The following TANC1 variants were observed in gnomAD, a reference collection of about 807,000 sequenced individuals.
TANC1 encodes tetratricopeptide repeat, ankyrin repeat and coiled-coil containing 1, also known as protein TANC1.
Under a neutral mutation model 149.7 loss-of-function variants are expected in TANC1, and 77 were observed. The observed-to-expected ratio is 0.51, with a 90% CI of 0.43 to 0.62. The LOEUF (loss-of-function observed/expected upper bound fraction) is 0.62. Among genes scored for constraint, TANC1 ranks in the 20% least tolerant of loss-of-function variants. The pLI is 0.00. For synonymous variants in TANC1, 854 were observed against 925.0 expected (o/e 0.92, Z 1.39); for missense variants, 1,985 against 2,321.8 (o/e 0.85, Z 2.98).
intron 2 of TANC1, among the ~76,000 whole-genome samples, chr2:159,037,687 G>A (rs1345627799): frequency 6.6e-6 from 1 of 152,162 alleles, no homozygotes; most frequent in African/African-American, 2.4e-5. Flanking sequence ...TCATTTCTGA[G>A]GCCTCTGTTC....
intron 7 of TANC1, among the ~76,000 whole-genome samples, chr2:159,159,587 TTTATG>T (rs1342643300): frequency 6.6e-6 from 1 of 152,100 alleles, no homozygotes; most frequent in Non-Finnish European, 1.5e-5. Flanking sequence ...ATTAACTCCT[TTTATG>T]TAATGAGCAC....
chr2:159,204,936 G>A (rs1186206996), intron 19 of TANC1, among the ~76,000 whole-genome samples: 1 of 152,160 alleles, frequency 6.6e-6, no homozygotes, highest in Non-Finnish European at 1.5e-5. Flanking sequence ...AATTCCACTT[G>A]GCATGTGTGC....
intron 19 of TANC1, among the ~76,000 whole-genome samples, chr2:159,203,659 C>T (rs1247965350): frequency 6.6e-6 from 1 of 152,286 alleles, no homozygotes; most frequent in South Asian, 2.1e-4. Context: ...TCTGCCTCCC[C>T]ACACTCAGGT....
At chr2:158,986,589 C>A (rs2035026380) in intron 1 of TANC1, among the ~76,000 whole-genome samples, 1 of 152,140 alleles carries the variant, frequency 6.6e-6, no homozygotes, top group South Asian at 2.1e-4. Context: ...TTTTGGGGAT[C>A]TGCACTCATG....
chr2:159,093,708 T>C (rs955687999), intron 3 of TANC1, among the ~76,000 whole-genome samples: 1 of 152,140 alleles, frequency 6.6e-6, no homozygotes, highest in Non-Finnish European at 1.5e-5. Context: ...TATAGTGAGA[T>C]GGTAAAGTAA....
intron 22 of TANC1, among the ~76,000 whole-genome samples, chr2:159,223,811 TTG>T (rs1386822467): frequency 6.6e-5 from 10 of 152,182 alleles, no homozygotes. Context: ...CGTGCACAGG[TTG>T]TGTGGGTCTG....
At chr2:159,160,640 C>T (rs1017397444) in intron 7 of TANC1, among the ~76,000 whole-genome samples, 1 of 152,128 alleles carries the variant, frequency 6.6e-6, no homozygotes, top group African/African-American at 2.4e-5. Context: ...AGTGTCTGGG[C>T]TTCCACCTGT....
At chr2:159,117,735 G>A (rs1263608903) in intron 4 of TANC1, among the ~76,000 whole-genome samples, 4 of 103,240 alleles carry the variant, frequency 3.9e-5, no homozygotes, top group African/African-American at 1.3e-4. Flanking sequence ...TTTTTTTAAA[G>A]CTTATTCCCA....
At chr2:159,142,571 C>T (rs2051494925) in intron 5 of TANC1, among the ~76,000 whole-genome samples, 1 of 152,166 alleles carries the variant, frequency 6.6e-6, no homozygotes, top group African/African-American at 2.4e-5. Context: ...GAGTAAAGCC[C>T]TTCTGCATGC....
At position 159,224,269 on chromosome 2, in the gene TANC1, A is replaced by G. The variant is rs377392032; in HGVS notation, c.3716A>G (p.His1239Arg). Reference protein sequence around the residue: ...YLVEKGAVIEHVDHSGMRPLD... With the variant: ...YLVEKGAVIERVDHSGMRPLD... ...GTGGAGAAGGGAGCCGTGATCGAGC[A>G]TGTGGACCACAGCGGGATGCGGCCC... is the stretch of plus-strand genomic sequence containing the variant. The change falls in exon 23 of 27, where the codon CAT becomes CGT. Residue 1239 changes from histidine to arginine, a missense_variant. This residue lies in a region of TANC1 where 920 missense variants were observed against 994.7 expected (regional missense o/e 0.92). Transcript: ENST00000263635. The G allele has an allele frequency of 9.9e-6, 16 of 1,614,042 alleles. No individual in the cohort carries two copies. In the African/African-American group the frequency reaches 1.6e-4, roughly 16 times the overall value.
chr2:159,078,000 G>T (rs1559215634), intron 3 of TANC1, among the ~76,000 whole-genome samples: 1 of 152,162 alleles, frequency 6.6e-6, no homozygotes, highest in Non-Finnish European at 1.5e-5. Context: ...GGCAAAAATT[G>T]TGTCTGTTTT....
chr2:159,029,569 T>C (rs1424377712), intron 2 of TANC1, among the ~76,000 whole-genome samples: 3 of 152,166 alleles, frequency 2.0e-5, no homozygotes, highest in African/African-American at 7.2e-5. Context: ...ACTAATGCCT[T>C]ATAATTATTT....
At position 159,217,646 on chromosome 2, in the gene TANC1, C is replaced by G. The variant is rs1186739855; in HGVS notation, c.3378+16C>G. The G allele has an allele frequency of 6.2e-7, 1 of 1,613,380 alleles. No homozygotes were observed. Among genetic ancestry groups the G allele is most frequent in the African/African-American group, 1.3e-5 (1 of 74,916 alleles). ...GCATTGGCAGGTACCCAGGGGGCCC[C>G]TGAATGCTTCAGAAGCAATGAGTGG... On this transcript the variant is annotated intron_variant, in intron 20 of 26. Transcript: ENST00000263635.
intron 3 of TANC1, among the ~76,000 whole-genome samples, chr2:159,094,554 C>T (rs528289485): frequency 1.3e-5 from 2 of 152,312 alleles, no homozygotes; most frequent in African/African-American, 4.8e-5. Flanking sequence ...CATCATGGTG[C>T]AGCCTAGCTC....
At position 159,004,048 on chromosome 2, in the gene TANC1, A is replaced by G. The variant is rs2036893796; in HGVS notation, c.-16+2859A>G. On this transcript the variant is annotated intron_variant, in intron 2 of 26. Transcript: ENST00000263635. ...ATTAAAGATGATGGGACAGTTATTC[A>G]TTTCAACAATCCCAAAGTCCAAGCT... The G allele has an allele frequency of 1.9e-6, 3 of 1,612,198 alleles. No homozygotes were observed. The African/African-American group carries it at 4.0e-5, about 22-fold the overall frequency.
intron 4 of TANC1, among the ~76,000 whole-genome samples, chr2:159,127,458 A>G (rs902832358): frequency 2.6e-5 from 4 of 152,258 alleles, no homozygotes; most frequent in South Asian, 2.1e-4. Context: ...TCCCATTACG[A>G]GGTATATACC....
intron 2 of TANC1, among the ~76,000 whole-genome samples, chr2:159,024,587 C>T (rs2039102646): frequency 6.6e-6 from 1 of 152,044 alleles, no homozygotes; most frequent in African/African-American, 2.4e-5. Context: ...CCCGTCTCTA[C>T]TAAAAATATA....
intron 8 of TANC1, among the ~76,000 whole-genome samples, chr2:159,166,769 T>C (rs2054639172): frequency 6.6e-6 from 1 of 152,248 alleles, no homozygotes; most frequent in African/African-American, 2.4e-5. Context: ...CTTCCTGCCC[T>C]ATTCACTGGC....
intron 1 of TANC1, among the ~76,000 whole-genome samples, chr2:158,970,470 A>G (rs556089535): frequency 9.2e-5 from 14 of 152,312 alleles, no homozygotes; most frequent in African/African-American, 3.4e-4. Context: ...CTACTTCATT[A>G]TAGAAGTAGT....
Sources: allele counts gnomAD v4.1 joint callset (sites outside exome capture counted in the v4.1 genomes callset), GRCh38; gene constraint gnomAD v4.1.1; regional missense constraint gnomAD v4.1.1; transcripts MANE v1.5; gene names NCBI Gene and HGNC (gene_info 2026-07-23, HGNC 2026-07-21).